Variants in SSR4 observed in about 807,000 individuals in gnomAD.
SSR4 encodes signal sequence receptor subunit 4.
For synonymous variants in SSR4, 84 were observed against 65.6 expected (o/e 1.28, Z -1.35); for missense variants, 125 against 148.8 (o/e 0.84, Z 0.83).
At chrX:153,794,613 AC>A (rs1895984345), upstream of SSR4, 2 of 1,202,908 alleles carry the variant, frequency 1.7e-6, no homozygotes, top group Admixed American at 4.5e-5. Context: ...GCTGCCACTT[AC>A]GCGTCGCTCT....
intron 1 of SSR4, chrX:153,795,042 C>T (rs1448864451): frequency 2.7e-6 from 1 of 370,636 alleles, no homozygotes; most frequent in African/African-American, 2.6e-5. Flanking sequence ...CCGGCTCCCG[C>T]TCCCTGCGGG....
chrX:153,797,341 G>T, intron 2 of SSR4, 117 bp from the exon 3 acceptor site: 1 of 599,903 alleles, frequency 1.7e-6, no homozygotes, highest in Non-Finnish European at 2.8e-6. Context: ...CAGGGACACT[G>T]CAGCCCCCAA....
rs932901986 is a variant in SSR4 at position 153,798,203 on chromosome X, C to T, written c.417+67C>T. 19 of 1,174,295 alleles carry T rather than the reference C, an allele frequency of 1.6e-5. No homozygotes were observed. In the African/African-American group the frequency reaches 1.8e-4, roughly 11 times the overall value. ...TGAGTGAAGGTTATCCTCTCCACAG[C>T]CCCAGCTCTGCTGCTGGGCCGTGAT... On this transcript the variant is annotated intron_variant, in intron 5 of 5. Coordinates refer to ENST00000370086, the MANE Select transcript of SSR4 (RefSeq NM_006280.3).
chrX:153,798,358 T>C lies in SSR4; in HGVS notation c.447T>C (p.Thr149=). Residue 149 remains threonine, a synonymous_variant, in exon 6 of 6, where the codon ACT becomes ACC. Transcript: ENST00000370086. The stretch of plus-strand genomic sequence containing the variant: ...CTTGGAACGGGCCCTGGGTGTCCAC[T>C]GAGGTGCTGGCTGCGGCGATCGGCC... ...RGTWNGPWVS[T]EVLAAAIGLV... is the part of the protein sequence containing the mutation. The C allele has an allele frequency of 9.1e-6, 11 of 1,207,578 alleles. No homozygotes were observed. Among genetic ancestry groups the C allele is most frequent in the Non-Finnish European group, 1.2e-5 (11 of 893,268 alleles).
chrX:153,794,302 C>A (rs1557071385), upstream of SSR4: 1 of 1,198,669 alleles, frequency 8.3e-7, no homozygotes, highest in South Asian at 1.8e-5. Context: ...GCGCTGCCGG[C>A]GACGGTCGCT....
Position 153,796,649 on chromosome X carries a change from C to T in SSR4, c.186+97C>T. ...TGTCGATAGAGGGAGAATCAAGATT[C>T]CAACTCTTGGGGTGCCGGAGAGATC... On this transcript the variant is annotated intron_variant, in intron 2 of 5. Coordinates refer to ENST00000370086, the MANE Select transcript of SSR4 (RefSeq NM_006280.3). 4.4e-6 allele frequency: 3 copies of T among 685,976 alleles called. No homozygotes were observed. In the South Asian group the frequency reaches 7.0e-5, roughly 16 times the overall value. The allele number at this position is 685,976 out of a possible 1,213,427, so 56.5% of individuals were successfully genotyped here.
At chrX:153,798,004 C>CAA in intron 4 of SSR4, 67 bp from the exon 5 acceptor site, 1 of 704,939 alleles carries the variant, frequency 1.4e-6, no homozygotes, top group Non-Finnish European at 2.3e-6. Context: ...TGTCTTTCCC[C>CAA]TCCCCTCCCC....
chrX:153,798,025 G>A (rs782004181), intron 4 of SSR4, 46 bp from the exon 5 acceptor site: 11 of 257,607 alleles, frequency 4.3e-5, no homozygotes, highest in East Asian at 2.1e-4. Context: ...ACCCCCACAC[G>A]CCAGGCACCC....
rs1264781250 is a variant in SSR4, at chrX:153,795,642, C to A, written c.68-792C>A. ...GCTGGCGGGATCTAGCCCCTGAGAA[C>A]TGCCTCCACGCTGTTCCTAGGGATC... On this transcript the variant is annotated intron_variant, in intron 1 of 5. Coordinates refer to ENST00000370086, the MANE Select transcript of SSR4 (RefSeq NM_006280.3). 4.0e-6 allele frequency: 3 copies of A among 752,722 alleles called. No homozygotes were observed. In the African/African-American group the frequency reaches 6.9e-5, roughly 17 times the overall value. The allele number at this position is 752,722 out of a possible 1,213,427, so 62.0% of individuals were successfully genotyped here.
At position 153,798,340 on chromosome X, in the gene SSR4, C is replaced by A. The variant is rs967886135; in HGVS notation, c.429C>A (p.Asn143Lys). The A allele has an allele frequency of 8.3e-6, 10 of 1,205,643 alleles. No homozygotes were observed. Among genetic ancestry groups the A allele is most frequent in the Non-Finnish European group, 1.1e-5 (10 of 892,672 alleles). ...TVSVDHRGTWNGPWVSTEVLA... is the reference protein window; with the variant it reads ...TVSVDHRGTWKGPWVSTEVLA... ...CTCCTTTTTTTCAGGGCACTTGGAA[C>A]GGGCCCTGGGTGTCCACTGAGGTGC... Residue 143 changes from asparagine (N) to lysine (K), a missense_variant, in exon 6 of 6, where the codon AAC (asparagine) becomes AAA (lysine). Coordinates refer to ENST00000370086, the MANE Select transcript of SSR4 (RefSeq NM_006280.3).
chrX:153,794,422 G>C, upstream of SSR4: 1 of 1,137,409 alleles, frequency 8.8e-7, no homozygotes, highest in Non-Finnish European at 1.2e-6. Context: ...GCGCGGACCC[G>C]GTACTGCGCA....
At chrX:153,796,657 TG>T in intron 2 of SSR4, 105 bp downstream of exon 2, 1 of 649,486 alleles carries the variant, frequency 1.5e-6, no homozygotes, top group East Asian at 3.2e-5. Context: ...TTCCAACTCT[TG>T]GGGTGCCGGA....
chrX:153,798,290 G>A, intron 5 of SSR4, 39 bp from the exon 6 acceptor site: 1 of 1,201,801 alleles, frequency 8.3e-7, no homozygotes, highest in African/African-American at 1.7e-5. Context: ...CTGCTCACCT[G>A]TACTCCCCTG....
intron 2 of SSR4, chrX:153,797,051 C>T: frequency 5.2e-6 from 1 of 192,602 alleles, no homozygotes; most frequent in Non-Finnish European, 9.6e-6. Context: ...GCTAAGTTCC[C>T]ATAAGTCCAA....
chrX:153,797,852 T>A, intron 4 of SSR4, 38 bp downstream of exon 4: 4 of 1,094,064 alleles, frequency 3.7e-6, no homozygotes, highest in African/African-American at 1.8e-5. Flanking sequence ...CCCCTGTCCC[T>A]GGGGAGCAGG....
intron 3 of SSR4, 88 bp from the exon 4 acceptor site, chrX:153,797,637 C>T (rs782172829): frequency 9.0e-7 from 1 of 1,114,304 alleles, no homozygotes; most frequent in Non-Finnish European, 1.2e-6. Context: ...TGGGCTCTGG[C>T]TGCCGGAGTG....
At chrX:153,795,957 T>G in intron 1 of SSR4, 2 of 523,532 alleles carry the variant, frequency 3.8e-6, no homozygotes, top group Non-Finnish European at 4.7e-6. Flanking sequence ...TCACCTTCTG[T>G]CAACTGGCCG....
In SSR4 at chrX:153,797,744, A is replaced by C. The variant is rs1290974025; in HGVS notation, c.281A>C (p.His94Pro). Residue 94 changes from histidine to proline, a missense_variant, in exon 4 of 6, where the codon CAC (histidine) becomes CCC (proline). Physicochemically the swap from His to Pro is moderately conservative, Grantham distance 77. Transcript: ENST00000370086. Reference protein sequence around the residue: ...GRYQVSWSLDHKSAHAGTYEV... With the variant: ...GRYQVSWSLDPKSAHAGTYEV... ...ACCCAGGTGTCCTGGAGCCTGGACC[A>C]CAAGAGCGCCCACGCAGGCACCTAT... 1 of 1,209,187 alleles carries C rather than the reference A, an allele frequency of 8.3e-7. No individual in the cohort carries two copies. Among genetic ancestry groups the C allele is most frequent in the Non-Finnish European group, 1.1e-6 (1 of 894,729 alleles).
chrX:153,794,558 G>A (rs782121089), upstream of SSR4: 1 of 1,173,959 alleles, frequency 8.5e-7, no homozygotes, highest in Non-Finnish European at 1.1e-6. Flanking sequence ...TGCTGCCAGA[G>A]ACGTCACAAT....
Sources: gnomAD v4.1 joint callset for allele counts on GRCh38, gnomAD v4.1.1 for gene constraint, MANE v1.5 for transcripts, NCBI Gene and HGNC (gene_info 2026-07-23, HGNC 2026-07-21) for gene names.